Variants in ABCA12 observed in about 807,000 individuals in gnomAD.
ABCA12 encodes the protein ATP binding cassette subfamily A member 12, also known as glucosylceramide transporter ABCA12.
In ABCA12, 156 loss-of-function variants were observed where a neutral mutation model predicts 293.5. That is an observed-to-expected ratio of 0.53 (90% CI 0.47 to 0.61). The LOEUF is 0.61. Ranked by LOEUF, ABCA12 falls within the 20% of genes least tolerant of loss-of-function variation. ABCA12 has a pLI of 0.00. For missense variants in ABCA12, 2,797 were observed against 3,090.2 expected (o/e 0.91, Z 2.25); for synonymous variants, 1,063 against 1,108.0 (o/e 0.96, Z 0.81).
chr2:215,049,956 T>C (rs1701285978), intron 5 of ABCA12, 145 bp from the exon 6 acceptor site: 2 of 711,314 alleles, frequency 2.8e-6, no homozygotes, highest in East Asian at 2.7e-5. Context: ...AACAATAAAG[T>C]AGATAGAGTT....
At chr2:215,134,553 T>TGTACATATATGCGTATATATAC (rs1703157627) in intron 1 of ABCA12, among the ~76,000 whole-genome samples, 1 of 111,792 alleles carries the variant, frequency 8.9e-6, no homozygotes, top group Non-Finnish European at 2.0e-5. Context: ...TATACGTATA[T>TGTACATATATGCGTATATATAC]GTATATATGT....
At chr2:215,031,747 A>C in intron 9 of ABCA12, 74 bp downstream of exon 9, 1 of 1,579,844 alleles carries the variant, frequency 6.3e-7, no homozygotes, top group Non-Finnish European at 8.7e-7. Context: ...TGATAAGCGA[A>C]TTATGTTTAG....
intron 2 of ABCA12, among the ~76,000 whole-genome samples, chr2:215,086,888 C>CTTA (rs1702050413): frequency 6.6e-6 from 1 of 151,828 alleles, no homozygotes; most frequent in African/African-American, 2.4e-5. Flanking sequence ...GGGACAAAGA[C>CTTA]CCACAGAACT....
chr2:214,998,119 T>C (rs887637449), intron 22 of ABCA12, among the ~76,000 whole-genome samples: 2 of 152,176 alleles, frequency 1.3e-5, no homozygotes, highest in Admixed American at 1.3e-4. Context: ...ATAGATATAA[T>C]TGCAAGGCTC....
At position 214,989,469 on chromosome 2, in the gene ABCA12, A is replaced by C. The variant is rs767996123; in HGVS notation, c.3695-6T>G. The C allele has an allele frequency of 1.2e-6, 2 of 1,613,626 alleles. No individual in the cohort carries two copies. Among genetic ancestry groups the C allele is most frequent in the Non-Finnish European group, 1.7e-6 (2 of 1,179,890 alleles). On this transcript the variant is annotated splice_polypyrimidine_tract_variant and splice_region_variant and intron_variant, in intron 25 of 52. Coordinates refer to ENST00000272895, the MANE Select transcript of ABCA12 (RefSeq NM_173076.3). ...CATATTTTCCCACTGAAGACCTAAA[A>C]AGTGAACACAAGTGTTTATTCTTCT...
At chr2:215,000,680 A>G in intron 22 of ABCA12, 25 bp downstream of exon 22, 1 of 1,613,150 alleles carries the variant, frequency 6.2e-7, no homozygotes, top group Non-Finnish European at 8.5e-7. Context: ...TGATCATTAA[A>G]AAGGCTGGAA....
At chr2:214,960,376 T>C (rs974639516) in intron 39 of ABCA12, 6 of 152,152 alleles carry the variant, frequency 3.9e-5, no homozygotes, top group African/African-American at 1.2e-4. Flanking sequence ...TTCTTTTATT[T>C]CTGCTTTGTA....
intron 1 of ABCA12, among the ~76,000 whole-genome samples, chr2:215,119,696 T>C (rs1372451394): frequency 6.7e-6 from 1 of 149,632 alleles, no homozygotes; most frequent in African/African-American, 2.5e-5. Context: ...CCATGCTGTT[T>C]TGGCCTCACA....
chr2:215,047,349 T>A (rs1701224107), intron 6 of ABCA12, among the ~76,000 whole-genome samples: 1 of 152,132 alleles, frequency 6.6e-6, no homozygotes, highest in African/African-American at 2.4e-5. Flanking sequence ...ATCTAACTTA[T>A]TGCTGAGGAA....
Position 214,953,977 on chromosome 2 carries a change from T to G in ABCA12, c.6524A>C (p.Glu2175Ala). ...CATCTCAAAGGTTTCATTTGGGTAT[T>G]CCACTCCATATGCTTTTAAGAAGTC... ...VLDFLKAYGVEYPNETFEMNK... is the reference protein window; with the variant it reads ...VLDFLKAYGVAYPNETFEMNK... The change falls in exon 44 of 53, where the codon GAA becomes GCA. Residue 2175 changes from glutamate (E) to alanine (A), a missense_variant. By Grantham distance (107) the Glu-to-Ala change is moderately radical. Transcript: ENST00000272895. 1 of 1,614,138 alleles carries G rather than the reference T, an allele frequency of 6.2e-7. No individual in the cohort carries two copies. The highest frequency in any genetic ancestry group is 1.1e-5 in the South Asian group (1 of 91,084).
At position 215,031,832 on chromosome 2, in the gene ABCA12, A is replaced by G; in HGVS notation, c.1050T>C (p.Ser350=). 1 of 1,613,994 alleles carries G rather than the reference A, an allele frequency of 6.2e-7. No individual in the cohort carries two copies. Among genetic ancestry groups the G allele is most frequent in the Non-Finnish European group, 8.5e-7 (1 of 1,179,952 alleles). ...EDDGQTLSPS[S]LAAQLLILEN... Reference sequence around the variant, plus strand: ...AAACAAAGACTTACTGTGCAGCCAGACTGCTTGGAGATAAGGTCTGTCCAT... The same window carrying G: ...AAACAAAGACTTACTGTGCAGCCAGGCTGCTTGGAGATAAGGTCTGTCCAT... Residue 350 remains serine, a synonymous_variant, in exon 9 of 53, where the codon AGT becomes AGC. Transcript: ENST00000272895.
chr2:215,135,199 T>A (rs1703198272), intron 1 of ABCA12, among the ~76,000 whole-genome samples: 1 of 152,148 alleles, frequency 6.6e-6, no homozygotes, highest in Non-Finnish European at 1.5e-5. Flanking sequence ...CCTTAAGTGA[T>A]CCACCTGATT....
intron 2 of ABCA12, among the ~76,000 whole-genome samples, chr2:215,087,619 T>C (rs1360629098): frequency 6.6e-6 from 1 of 151,578 alleles, no homozygotes; most frequent in Non-Finnish European, 1.5e-5. Flanking sequence ...GCTAATAGAG[T>C]CATGCACAGG....
intron 1 of ABCA12, among the ~76,000 whole-genome samples, chr2:215,115,956 C>T (rs1007860235): frequency 2.0e-5 from 3 of 151,996 alleles, no homozygotes; most frequent in Admixed American, 6.6e-5. Flanking sequence ...CAGTGGCAGG[C>T]GACCGATTTC....
At chr2:215,068,383 T>C (rs898719246) in intron 2 of ABCA12, among the ~76,000 whole-genome samples, 6 of 152,186 alleles carry the variant, frequency 3.9e-5, no homozygotes, top group Non-Finnish European at 7.4e-5. Flanking sequence ...TTTGCAATTA[T>C]AGTATGAAAG....
chr2:214,979,107 C>T, intron 31 of ABCA12, 67 bp from the exon 32 acceptor site: 1 of 1,431,676 alleles, frequency 7.0e-7, no homozygotes, highest in East Asian at 2.3e-5. Context: ...AGGCCCTAAT[C>T]AGAGGGTGAG....
chr2:215,073,375 T>C (rs1343320216), intron 2 of ABCA12, among the ~76,000 whole-genome samples: 1 of 152,102 alleles, frequency 6.6e-6, no homozygotes, highest in Admixed American at 6.5e-5. Flanking sequence ...TTGTAGGACA[T>C]TCTCCCTCTA....
chr2:215,060,995 A>G (rs1004226479), intron 3 of ABCA12, among the ~76,000 whole-genome samples: 2 of 152,140 alleles, frequency 1.3e-5, no homozygotes, highest in South Asian at 4.1e-4. Context: ...TCTCCAAATA[A>G]TGACCCTGTA....
chr2:214,952,222 GTTTTTTT>G (rs34809500), intron 44 of ABCA12, among the ~76,000 whole-genome samples: 1 of 125,356 alleles, frequency 8.0e-6, no homozygotes, highest in South Asian at 2.5e-4. Flanking sequence ...TTTTTTTGTT[GTTTTTTT>G]TTTTTTTTTG....
Sources: allele counts gnomAD v4.1 joint callset (sites outside exome capture counted in the v4.1 genomes callset), GRCh38; gene constraint gnomAD v4.1.1; transcripts MANE v1.5; gene names NCBI Gene and HGNC (gene_info 2026-07-23, HGNC 2026-07-21).